Variants in C3orf33 observed in about 807,000 individuals in gnomAD.
The protein encoded by C3orf33 is AP-1 activity suppressor.
C3orf33 carries 23 observed loss-of-function variants against 28.7 expected under a neutral mutation model. The observed-to-expected ratio is 0.80, with a 90% confidence interval of 0.58 to 1.13. C3orf33 has a LOEUF of 1.13. C3orf33 is among the 50% of genes most tolerant of loss of function. The pLI, the probability that C3orf33 is intolerant of heterozygous loss-of-function variation, is 0.00. For synonymous variants in C3orf33, 119 were observed against 120.5 expected (o/e 0.99, Z 0.08); for missense variants, 327 against 353.4 (o/e 0.93, Z 0.60).
At chr3:155,800,638 A>AAAAGGC (rs1560001131) in intron 2 of C3orf33, among the ~76,000 whole-genome samples, 2 of 148,580 alleles carry the variant, frequency 1.3e-5, no homozygotes, top group African/African-American at 4.9e-5. Context: ...AAAAAAAAAA[A>AAAAGGC]AAAGGCAACA....
rs1434492039 is a variant in C3orf33, at chr3:155,806,163, T to C, written c.90A>G (p.Ala30=). 53 of 1,484,298 alleles carry C rather than the reference T, an allele frequency of 3.6e-5. No homozygotes were observed. The highest frequency in any genetic ancestry group is 4.7e-5 in the Non-Finnish European group (52 of 1,114,052). The allele number at this position is 1,484,298 out of a possible 1,614,324, so 91.9% of individuals were successfully genotyped here. Residue 30 remains alanine (A), a synonymous_variant, in exon 1 of 5, where the codon GCA becomes GCG. Coordinates refer to ENST00000340171, the MANE Select transcript of C3orf33 (RefSeq NM_001308229.2). ...CCCGGACTAGGCGCAGGTGGTCGTC[T>C]GCCCACTGCGAGATCCGAGCCACGA... ...PNVVARISQW[A]DDHLRLVRNI...
At chr3:155,792,727 C>T (rs1295117475) in intron 2 of C3orf33, among the ~76,000 whole-genome samples, 1 of 151,872 alleles carries the variant, frequency 6.6e-6, no homozygotes, top group East Asian at 1.9e-4. Flanking sequence ...AACAGCAGAA[C>T]TGATCAAGCA....
At chr3:155,788,123 G>A (rs35387126) in intron 2 of C3orf33, among the ~76,000 whole-genome samples, 83,378 of 150,768 alleles carry the variant, frequency 0.55, 23,745 homozygotes, top group Middle Eastern at 0.7. Flanking sequence ...CCTGGGAGGC[G>A]GAGCTTACAG....
At chr3:155,778,270 AC>A (rs1371834545) in intron 2 of C3orf33, among the ~76,000 whole-genome samples, 1 of 152,020 alleles carries the variant, frequency 6.6e-6, no homozygotes, top group Non-Finnish European at 1.5e-5. Flanking sequence ...ACAATAAAGG[AC>A]CTTTTTTAGA....
At chr3:155,791,716 G>C (rs1031871307) in intron 2 of C3orf33, among the ~76,000 whole-genome samples, 3 of 151,824 alleles carry the variant, frequency 2.0e-5, no homozygotes, top group Non-Finnish European at 4.4e-5. Context: ...CTGGGATGGT[G>C]GTGGCCCCAG....
intron 2 of C3orf33, among the ~76,000 whole-genome samples, chr3:155,780,390 T>C (rs1188048661): frequency 3.3e-5 from 5 of 152,262 alleles, no homozygotes; most frequent in Non-Finnish European, 7.3e-5. Flanking sequence ...GATGATCTTG[T>C]GAAAATTGTT....
intron 2 of C3orf33, among the ~76,000 whole-genome samples, chr3:155,777,116 G>A (rs933057050): frequency 3.3e-5 from 5 of 151,920 alleles, no homozygotes; most frequent in African/African-American, 4.8e-5. Flanking sequence ...TCAGGAGTTC[G>A]AGACCAGCCT....
intron 2 of C3orf33, among the ~76,000 whole-genome samples, chr3:155,797,480 T>G (rs1751513498): frequency 6.6e-6 from 1 of 151,922 alleles, no homozygotes; most frequent in South Asian, 2.1e-4. Context: ...AAGAAAGAAA[T>G]AAAGAGCATC....
intron 2 of C3orf33, among the ~76,000 whole-genome samples, chr3:155,795,454 T>C (rs2109277494): frequency 6.6e-6 from 1 of 151,572 alleles, no homozygotes; most frequent in Middle Eastern, 3.4e-3. Context: ...AGACTTCATC[T>C]CAAAAATAAA....
chr3:155,803,425 C>T (rs1577441972), intron 1 of C3orf33, among the ~76,000 whole-genome samples: 1 of 151,310 alleles, frequency 6.6e-6, no homozygotes, highest in African/African-American at 2.4e-5. Flanking sequence ...ATTAGCCGGG[C>T]GTGGTGGTGG....
intron 3 of C3orf33, among the ~76,000 whole-genome samples, chr3:155,771,888 T>C (rs1477823517): frequency 6.6e-6 from 1 of 151,986 alleles, no homozygotes; most frequent in Non-Finnish European, 1.5e-5. Context: ...TCCAGTGGAG[T>C]ACTCCAAGAG....
At position 155,775,691 on chromosome 3, in the gene C3orf33, C is replaced by G. The variant is rs369818843; in HGVS notation, c.322+10G>C. ...AATAGTTAGTTTCATTAATCTTGTA[C>G]CTTACTTACTTCTCAATGAAGCTAT... On this transcript the variant is annotated intron_variant, in intron 3 of 4. Transcript: ENST00000340171. The G allele has an allele frequency of 2.0e-6, 3 of 1,497,276 alleles. No individual in the cohort carries two copies. The highest frequency in any genetic ancestry group is 2.7e-6 in the Non-Finnish European group (3 of 1,096,792). 92.7% of individuals were successfully genotyped at this position (1,497,276 alleles called of 1,614,324 possible). A position where few individuals can be genotyped will look rare whatever the true frequency, so the allele number is the denominator to read the frequency against.
intron 2 of C3orf33, among the ~76,000 whole-genome samples, chr3:155,782,733 A>G (rs1249520694): frequency 6.6e-6 from 1 of 152,236 alleles, no homozygotes; most frequent in Non-Finnish European, 1.5e-5. Flanking sequence ...CTTGCCCTGC[A>G]AGAAATGCTA....
At chr3:155,786,208 AG>A (rs1751098172) in intron 2 of C3orf33, among the ~76,000 whole-genome samples, 2 of 152,184 alleles carry the variant, frequency 1.3e-5, no homozygotes, top group South Asian at 4.2e-4. Flanking sequence ...TTATAATTTA[AG>A]GAAATGGGGG....
chr3:155,791,592 A>C lies in C3orf33; in HGVS notation c.174+10940T>G, dbSNP rs146059631. Among the ~76,000 whole-genome samples, 701 of 152,242 alleles carry C rather than the reference A, an allele frequency of 4.6e-3. 10 individuals carry two copies. Among genetic ancestry groups the C allele is most frequent in the African/African-American group, 0.016 (655 of 41,552 alleles). ...GGATCTGCCCTGGGCCAGTGGGGAG[A>C]CCACTTCCCTGATGGGAGAGTCCCA... On this transcript the variant is annotated intron_variant, in intron 2 of 4. Coordinates refer to ENST00000340171, the MANE Select transcript of C3orf33 (RefSeq NM_001308229.2).
chr3:155,787,976 G>A (rs1352821274), intron 2 of C3orf33, among the ~76,000 whole-genome samples: 3 of 152,036 alleles, frequency 2.0e-5, no homozygotes, highest in Admixed American at 1.3e-4. Context: ...CGGATCATGA[G>A]GTCAGCAGAT....
chr3:155,799,177 T>C (rs1373825090), intron 2 of C3orf33, among the ~76,000 whole-genome samples: 1 of 152,152 alleles, frequency 6.6e-6, no homozygotes, highest in East Asian at 1.9e-4. Context: ...GTGAAAAATG[T>C]AAATTATTAC....
rs10654812 is a variant in C3orf33, at chr3:155,776,759, C to CAAAAAAAAAAAAAAAAAA, written c.175-929_175-912dup. On this transcript the variant is annotated intron_variant, in intron 2 of 4. Transcript: ENST00000340171. ...TGACAGAGCGAGAACCTGACTCTGTCAAAAAAAAAAAAAAAAAAAAAAAAA... is the reference window on the plus strand; with the variant it reads ...TGACAGAGCGAGAACCTGACTCTGTCAAAAAAAAAAAAAAAAAAAAAAAAAAAAAAAAAAAAAAAAAAA... Among the ~76,000 whole-genome samples, 81 of 86,900 alleles carry CAAAAAAAAAAAAAAAAAA rather than the reference C, an allele frequency of 9.3e-4. 1 individual carries two copies. The highest frequency in any genetic ancestry group is 1.4e-3 in the African/African-American group (34 of 23,922). 57.0% of individuals were successfully genotyped at this position (86,900 alleles called of 152,430 possible).
intron 3 of C3orf33, among the ~76,000 whole-genome samples, chr3:155,768,367 A>G (rs1252480948): frequency 6.6e-6 from 1 of 152,210 alleles, no homozygotes; most frequent in Non-Finnish European, 1.5e-5. Context: ...CTTATTGAAG[A>G]TATCTTCCAA....
Sources: allele counts gnomAD v4.1 joint callset (sites outside exome capture counted in the v4.1 genomes callset), GRCh38; gene constraint gnomAD v4.1.1; transcripts MANE v1.5; gene names NCBI Gene and HGNC (gene_info 2026-07-23, HGNC 2026-07-21).